Variants in DOCK2 observed in about 807,000 individuals in gnomAD.
DOCK2 encodes dedicator of cytokinesis protein 2.
DOCK2 carries 87 observed loss-of-function variants against 248.9 expected under a neutral mutation model. The ratio of observed to expected loss-of-function variants is 0.35; its 90% CI spans 0.29 to 0.42. DOCK2 has a LOEUF of 0.42. DOCK2 is among the 10% of genes least tolerant of loss of function. The probability of loss-of-function intolerance (pLI) is 1.00; values close to 1 mark genes in which losing one functional copy is unlikely to be tolerated. For missense variants in DOCK2, 1,747 were observed against 2,300.2 expected (o/e 0.76, Z 4.92); for synonymous variants, 805 against 821.6 (o/e 0.98, Z 0.35).
At chr5:169,659,198 A>T (rs1248887365) in intron 2 of DOCK2, among the ~76,000 whole-genome samples, 1 of 152,002 alleles carries the variant, frequency 6.6e-6, no homozygotes, top group Non-Finnish European at 1.5e-5. Flanking sequence ...AAAGAAGTGA[A>T]AAGAGCACTG....
intron 25 of DOCK2, among the ~76,000 whole-genome samples, chr5:169,798,518 G>A (rs113222028): frequency 1.5e-4 from 23 of 152,092 alleles, no homozygotes; most frequent in African/African-American, 3.6e-4. Context: ...ATTTATGTGC[G>A]GTATCTCAAC....
chr5:169,995,470 A>T (rs977822301), intron 29 of DOCK2, among the ~76,000 whole-genome samples: 1 of 152,268 alleles, frequency 6.6e-6, no homozygotes, highest in Non-Finnish European at 1.5e-5. Flanking sequence ...AGATCCATCA[A>T]TAAGAAATGG....
chr5:169,707,532 T>C (rs187531069), intron 14 of DOCK2, among the ~76,000 whole-genome samples: 122 of 152,334 alleles, frequency 8.0e-4, no homozygotes, highest in African/African-American at 2.8e-3. Flanking sequence ...TGCACAAAAC[T>C]GTGAGCTCAC....
intron 25 of DOCK2, among the ~76,000 whole-genome samples, chr5:169,774,359 A>T (rs1182087413): frequency 6.6e-6 from 1 of 150,558 alleles, no homozygotes; most frequent in African/African-American, 2.5e-5. Context: ...AATTATCATG[A>T]CATCCATGTA....
intron 27 of DOCK2, among the ~76,000 whole-genome samples, chr5:169,929,919 A>T (rs957788123): frequency 6.6e-5 from 10 of 152,190 alleles, no homozygotes; most frequent in African/African-American, 2.4e-4. Context: ...AAACATATGC[A>T]TATTAAACAT....
At chr5:169,700,883 GGA>G (rs372793221) in intron 13 of DOCK2, among the ~76,000 whole-genome samples, 28 of 148,474 alleles carry the variant, frequency 1.9e-4, no homozygotes, top group Admixed American at 5.4e-4. Context: ...GCGGGGGCAG[GGA>G]GAGAGAGAGA....
chr5:169,958,864 G>A (rs1200507373), intron 27 of DOCK2, among the ~76,000 whole-genome samples: 4 of 152,106 alleles, frequency 2.6e-5, no homozygotes, highest in Non-Finnish European at 5.9e-5. Flanking sequence ...AAATACTTAA[G>A]AGAGTGGGGG....
At chr5:170,028,078 G>A (rs1298638696) in intron 34 of DOCK2, 130 bp downstream of exon 34, 3 of 654,736 alleles carry the variant, frequency 4.6e-6, no homozygotes, top group Admixed American at 3.5e-5. Context: ...ATGGGTATTG[G>A]CAAAACTCCA....
intron 27 of DOCK2, among the ~76,000 whole-genome samples, chr5:169,956,613 A>G (rs1001271022): frequency 6.6e-6 from 1 of 152,232 alleles, no homozygotes; most frequent in Non-Finnish European, 1.5e-5. Flanking sequence ...CTGAAAAGCT[A>G]TCTGCTAAGA....
At chr5:169,666,951 TGTAA>T (rs1330256829) in intron 2 of DOCK2, among the ~76,000 whole-genome samples, 1 of 152,208 alleles carries the variant, frequency 6.6e-6, no homozygotes, top group East Asian at 1.9e-4. Flanking sequence ...GAATATTGGG[TGTAA>T]GTGTCAGCAG....
chr5:169,878,293 C>A (rs1414276289), intron 27 of DOCK2, among the ~76,000 whole-genome samples: 1 of 151,590 alleles, frequency 6.6e-6, no homozygotes, highest in Non-Finnish European at 1.5e-5. Context: ...TTGCAAGATT[C>A]CCCATACCAT....
intron 23 of DOCK2, among the ~76,000 whole-genome samples, chr5:169,756,250 C>T (rs367962951): frequency 2.2e-4 from 33 of 152,264 alleles, no homozygotes; most frequent in African/African-American, 7.7e-4. Context: ...TGTAAGTGTG[C>T]GGGCTGTGGA....
At chr5:169,850,722 A>G (rs1770577847) in intron 27 of DOCK2, among the ~76,000 whole-genome samples, 1 of 152,204 alleles carries the variant, frequency 6.6e-6, no homozygotes, top group Admixed American at 6.5e-5. Flanking sequence ...AGGGCATACT[A>G]GGCCTAAAAT....
chr5:169,728,400 C>T (rs1342917538), intron 22 of DOCK2, among the ~76,000 whole-genome samples: 2 of 151,842 alleles, frequency 1.3e-5, no homozygotes. Context: ...AGAATGAAAC[C>T]CAGGGAGTCA....
chr5:169,691,461 G>A (rs892443694), intron 9 of DOCK2, among the ~76,000 whole-genome samples: 2 of 152,224 alleles, frequency 1.3e-5, no homozygotes, highest in African/African-American at 2.4e-5. Context: ...TCTGTGCTAA[G>A]CACTGGCCAT....
At position 169,899,954 on chromosome 5, in the gene DOCK2, A is replaced by G. The variant is rs1415491829; in HGVS notation, c.2799+59102A>G. ...ATTTTCAGTTATGTCATTTCCTTCC[A>G]CTAAGATCATGAGAGTCTCACAAAC... On this transcript the variant is annotated intron_variant, in intron 27 of 51. Transcript: ENST00000520908. Among the ~76,000 whole-genome samples, 4 of 152,140 alleles carry G rather than the reference A, an allele frequency of 2.6e-5. No individual in the cohort carries two copies. The East Asian group carries it at 5.8e-4, about 22-fold the overall frequency.
At chr5:169,714,529 A>G in intron 19 of DOCK2, 72 bp downstream of exon 19, 1 of 1,537,312 alleles carries the variant, frequency 6.5e-7, no homozygotes, top group Non-Finnish European at 9.0e-7. Context: ...GCTTCAGGGG[A>G]AAAACAAGGT....
chr5:170,044,500 G>A (rs370397861), intron 38 of DOCK2, among the ~76,000 whole-genome samples: 3 of 152,176 alleles, frequency 2.0e-5, no homozygotes, highest in East Asian at 1.9e-4. Flanking sequence ...TGGGGAGAGC[G>A]TTTCTTTTCC....
rs1167474409 is a variant in DOCK2 at position 169,930,889 on chromosome 5, A to G, written c.2800-52179A>G. Reference sequence around the variant, plus strand: ...CATTCACAACAAATTAGCCATACACATAAATACAATAAAGGATACCTGTCC... The same window carrying G: ...CATTCACAACAAATTAGCCATACACGTAAATACAATAAAGGATACCTGTCC... On this transcript the variant is annotated intron_variant, in intron 27 of 51. Coordinates refer to ENST00000520908, the MANE Select transcript of DOCK2 (RefSeq NM_004946.3). Among the ~76,000 whole-genome samples the G allele has an allele frequency of 3.3e-5, 5 of 152,298 alleles. No individual in the cohort carries two copies. The East Asian group carries it at 9.6e-4, about 29-fold the overall frequency.
Sources: gnomAD v4.1 joint callset for allele counts (sites outside exome capture counted in the v4.1 genomes callset) on GRCh38, gnomAD v4.1.1 for gene constraint, MANE v1.5 for transcripts, NCBI Gene and HGNC (gene_info 2026-07-23, HGNC 2026-07-21) for gene names.